Variants in KCNH2 observed in about 807,000 individuals in gnomAD.
KCNH2 encodes voltage-gated inwardly rectifying potassium channel KCNH2.
In KCNH2, 35 loss-of-function variants were observed where a neutral mutation model predicts 95.9. The observed-to-expected ratio is 0.37, with a 90% CI of 0.28 to 0.48. The LOEUF is 0.48. Ranked by LOEUF, KCNH2 falls within the 20% of genes least tolerant of loss-of-function variation. The probability of loss-of-function intolerance (pLI) is 0.99; values close to 1 mark genes in which losing one functional copy is unlikely to be tolerated. For missense variants in KCNH2, 1,274 were observed against 1,702.9 expected, an observed-to-expected ratio of 0.75 and a Z score of 4.43; for synonymous variants, 786 against 754.7, an observed-to-expected ratio of 1.04 and a Z score of -0.68.
intron 2 of KCNH2, among the ~76,000 whole-genome samples, chr7:150,963,132 G>T (rs981384623): frequency 6.6e-6 from 1 of 152,234 alleles, no homozygotes; most frequent in South Asian, 2.1e-4. Flanking sequence ...GCAGGCTGCA[G>T]TTCCGCTGAG....
chr7:150,958,958 C>A (rs1563171937), intron 3 of KCNH2, among the ~76,000 whole-genome samples: 1 of 152,170 alleles, frequency 6.6e-6, no homozygotes, highest in East Asian at 1.9e-4. Context: ...GTGTAAGAAA[C>A]CAAGAGGTGA....
At position 150,958,397 on chromosome 7, in the gene KCNH2, G is replaced by A. The variant is rs908821172; in HGVS notation, c.578C>T (p.Ala193Val). 7 of 1,454,456 alleles carry A rather than the reference G, an allele frequency of 4.8e-6. No individual in the cohort carries two copies. The highest frequency in any genetic ancestry group is 1.5e-5 in the African/African-American group (1 of 67,334). 90.1% of individuals were successfully genotyped at this position (1,454,456 alleles called of 1,614,324 possible). The change falls in exon 4 of 15, where the codon GCC (alanine) becomes GTC (valine). Residue 193 changes from alanine to valine, a missense_variant. Physicochemically the swap from Ala to Val is moderately conservative, Grantham distance 64. Transcript: ENST00000262186. ...CGTCAGGTCCACGTCCACCACCACG[G>A]CCCCCGGGGCGCCCGCGCCGCCCGC... ...GGAGGAGAPGAVVVDVDLTPA... is the reference protein window; with the variant it reads ...GGAGGAGAPGVVVVDVDLTPA...
At position 150,951,601 on chromosome 7, in the gene KCNH2, T is replaced by C; in HGVS notation, c.1792A>G (p.Asn598Asp). The C allele has an allele frequency of 6.2e-7, 1 of 1,614,194 alleles. No individual in the cohort carries two copies. The highest frequency in any genetic ancestry group is 8.5e-7 in the Non-Finnish European group (1 of 1,180,034). The change falls in exon 7 of 15, where the codon AAC becomes GAC. Residue 598 changes from asparagine to aspartate, a missense_variant. Around this residue, in one of 7 missense-constraint regions of KCNH2, gnomAD observed 147 missense variants for 344.4 expected, o/e 0.43. Coordinates refer to ENST00000262186, the MANE Select transcript of KCNH2 (RefSeq NM_000238.4). ...NLGDQIGKPY[N>D]SSGLGGPSIK... is the part of the protein sequence containing the mutation. ...GAGGGGCCGCCCAGGCCGCTGCTGT[T>C]GTAGGGTTTGCCTATCTGGTCGCCC...
At chr7:150,947,938 G>A in intron 11 of KCNH2, 60 bp from the exon 12 acceptor site, 1 of 1,501,208 alleles carries the variant, frequency 6.7e-7, no homozygotes, top group Non-Finnish European at 8.8e-7. Context: ...AGGGGGCGAG[G>A]GTGGAGGAGG....
intron 8 of KCNH2, 126 bp downstream of exon 8, chr7:150,950,795 C>T (rs976124733): frequency 2.6e-5 from 26 of 997,990 alleles, no homozygotes; most frequent in African/African-American, 4.8e-5. Context: ...AAAGGGGCAA[C>T]GTGCCTCCAG....
Position 150,957,381 on chromosome 7 carries a change from G to A in KCNH2, c.1038C>T (p.Asp346=). Residue 346 remains aspartate, a synonymous_variant, in exon 5 of 15, where the codon GAC becomes GAT. Coordinates refer to ENST00000262186, the MANE Select transcript of KCNH2 (RefSeq NM_000238.4). ...CACTGGTGGGCGAAGCCAAGAAGGG[G>A]TCGCCCTTGAGGTCCACAAAGTTGA... ...ITLNFVDLKG[D]PFLASPTSDR... The A allele has an allele frequency of 1.9e-6, 3 of 1,614,066 alleles. No homozygotes were observed. The highest frequency in any genetic ancestry group is 2.5e-6 in the Non-Finnish European group (3 of 1,179,926).
Position 150,950,046 on chromosome 7 carries a change from A to G in KCNH2, c.2398+122T>C, listed in dbSNP as rs778124384. ...GGCCTGAGTTTAGGTGAATTAAAGG[A>G]GCCCAGTGACCCTGCAGGCAGTCCC... On this transcript the variant is annotated intron_variant, in intron 9 of 14. Coordinates refer to ENST00000262186, the MANE Select transcript of KCNH2 (RefSeq NM_000238.4). 5.0e-6 allele frequency: 8 copies of G among 1,607,896 alleles called. No homozygotes were observed. Among genetic ancestry groups the G allele is most frequent in the Non-Finnish European group, 6.8e-6 (8 of 1,177,582 alleles).
intron 2 of KCNH2, among the ~76,000 whole-genome samples, chr7:150,965,692 C>G (rs1003829600): frequency 6.6e-6 from 1 of 152,198 alleles, no homozygotes; most frequent in East Asian, 1.9e-4. Flanking sequence ...AGAACTTGTC[C>G]AAACAATGCC....
At position 150,945,081 on chromosome 7, in the gene KCNH2, C is replaced by T. The variant is rs1190082995; in HGVS notation, c.*284G>A. ...AAATAGCAGAAAAGTCCTTGAGGTG[C>T]CTAAGGCCCAGGGCCGGGTGCCTCC... On this transcript the variant is annotated 3_prime_UTR_variant, in exon 15 of 15. Transcript: ENST00000262186. This position sits in a 1 kb window ranked among gnomAD's most constrained non-coding sequence, Gnocchi z 5.6. The T allele has an allele frequency of 2.2e-6, 1 of 462,242 alleles. No homozygotes were observed. The highest frequency in any genetic ancestry group is 3.6e-5 in the Admixed American group (1 of 27,714). 28.6% of individuals were successfully genotyped at this position (462,242 alleles called of 1,614,324 possible).
chr7:150,957,972 G>A (rs982954394), intron 4 of KCNH2, 87 bp downstream of exon 4: 49 of 1,098,164 alleles, frequency 4.5e-5, no homozygotes, highest in Non-Finnish European at 5.6e-5. Flanking sequence ...GTAGTGAAAA[G>A]GTCAGAAGCC....
At position 150,949,007 on chromosome 7, in the gene KCNH2, C is replaced by T; in HGVS notation, c.2441G>A (p.Arg814Lys). Reference protein sequence around the residue: ...IFGEPLNLYARPGKSNGDVRA... With the variant: ...IFGEPLNLYAKPGKSNGDVRA... ...CACATCCCCGTTCGACTTGCCAGGC[C>T]TTGCATACAGGTTCAGAGGCTCCCC... The change falls in exon 10 of 15, where the codon AGG becomes AAG. Residue 814 changes from arginine to lysine, a missense_variant. By Grantham distance (26) the Arg-to-Lys change is conservative. Coordinates refer to ENST00000262186, the MANE Select transcript of KCNH2 (RefSeq NM_000238.4). 3 of 1,614,252 alleles carry T rather than the reference C, an allele frequency of 1.9e-6. No individual in the cohort carries two copies. Among genetic ancestry groups the T allele is most frequent in the Non-Finnish European group, 1.7e-6 (2 of 1,180,044 alleles).
chr7:150,976,556 T>A (rs1342720837), intron 1 of KCNH2, among the ~76,000 whole-genome samples: 1 of 152,022 alleles, frequency 6.6e-6, no homozygotes, highest in Non-Finnish European at 1.5e-5. Context: ...GAAGAGCAAG[T>A]TTCTTCGAAG....
chr7:150,967,439 A>C (rs778366613), intron 2 of KCNH2, among the ~76,000 whole-genome samples: 2 of 152,258 alleles, frequency 1.3e-5, no homozygotes, highest in Non-Finnish European at 2.9e-5. Flanking sequence ...TATCAATGCA[A>C]GAGCCAGTAA....
intron 2 of KCNH2, among the ~76,000 whole-genome samples, chr7:150,972,920 G>A (rs1801877078): frequency 6.6e-6 from 1 of 152,240 alleles, no homozygotes; most frequent in Non-Finnish European, 1.5e-5. Context: ...ACAGCCAAAG[G>A]AAAGAGCCCT....
intron 2 of KCNH2, among the ~76,000 whole-genome samples, chr7:150,963,020 C>T (rs1242546951): frequency 1.3e-5 from 2 of 152,218 alleles, no homozygotes; most frequent in East Asian, 3.9e-4. Context: ...CCACCTACTC[C>T]AGACCCCCAG....
rs543714814 is a variant in KCNH2, at chr7:150,948,757, C to G, written c.2592+99G>C. 86 of 1,225,090 alleles carry G rather than the reference C, an allele frequency of 7.0e-5. No homozygotes were observed. The Admixed American group carries it at 1.0e-3, about 15-fold the overall frequency. The allele number at this position is 1,225,090 out of a possible 1,614,324, so 75.9% of individuals were successfully genotyped here. On this transcript the variant is annotated intron_variant, in intron 10 of 14. Transcript: ENST00000262186. ...TGATACCATTTGACAGACAGGGAAA[C>G]TGAGACAGAGAAGCATCACATTCAA...
chr7:150,955,425 C>A lies in KCNH2; in HGVS notation c.1128+1866G>T, dbSNP rs764462112. Reference sequence around the variant, plus strand: ...TGGGCCACGAGGCTGGAGATGCGCACGGCCCGCCTCACCCGGCCTTTCTGG... The same window carrying A: ...TGGGCCACGAGGCTGGAGATGCGCAAGGCCCGCCTCACCCGGCCTTTCTGG... On this transcript the variant is annotated intron_variant, in intron 5 of 14. Transcript: ENST00000262186. 5.1e-6 allele frequency: 8 copies of A among 1,564,780 alleles called. No individual in the cohort carries two copies. The highest frequency in any genetic ancestry group is 6.9e-6 in the Non-Finnish European group (8 of 1,155,492).
Position 150,952,910 on chromosome 7 carries a change from G to A in KCNH2, c.1129-57C>T, listed in dbSNP as rs577865903. The A allele has an allele frequency of 2.6e-6, 4 of 1,549,958 alleles. No homozygotes were observed. The African/African-American group carries it at 5.4e-5, about 21-fold the overall frequency. Reference sequence around the variant, plus strand: ...GGCAGGCCATGGGACCTCGGGGGCAGGAGCGATGACATCTCTGCCGGGGCC... The same window carrying A: ...GGCAGGCCATGGGACCTCGGGGGCAAGAGCGATGACATCTCTGCCGGGGCC... On this transcript the variant is annotated intron_variant, in intron 5 of 14. Transcript: ENST00000262186. This position sits in a 1 kb window ranked among gnomAD's most constrained non-coding sequence, Gnocchi z 7.3.
intron 2 of KCNH2, among the ~76,000 whole-genome samples, chr7:150,965,090 TGAGA>T (rs757748365): frequency 4.6e-5 from 7 of 151,618 alleles, no homozygotes; most frequent in African/African-American, 9.7e-5. Context: ...GTGTGCTGAA[TGAGA>T]GAGAGACCAG....
Sources: allele counts gnomAD v4.1 joint callset (sites outside exome capture counted in the v4.1 genomes callset), GRCh38; gene constraint gnomAD v4.1.1; regional missense constraint gnomAD v4.1.1; non-coding constraint Gnocchi (gnomAD v3.1); transcripts MANE v1.5; gene names NCBI Gene and HGNC (gene_info 2026-07-23, HGNC 2026-07-21).